The following LRCH3 variants were observed in gnomAD, a reference collection of about 807,000 sequenced individuals.
The protein encoded by LRCH3 is DISP complex protein LRCH3.
A neutral mutation model predicts 104.5 loss-of-function variants in LRCH3; 68 were observed. The ratio of observed to expected loss-of-function variants is 0.65; its 90% CI spans 0.54 to 0.80. The LOEUF (loss-of-function observed/expected upper bound fraction) is 0.80, where lower values mean the gene tolerates loss of function less well. Ranked by LOEUF, LRCH3 falls within the 30% of genes least tolerant of loss-of-function variation. The pLI is 0.00. For synonymous variants in LRCH3, 344 were observed against 361.3 expected, an observed-to-expected ratio of 0.95 and a Z score of 0.54; for missense variants, 951 against 953.9, an observed-to-expected ratio of 1.00 and a Z score of 0.04.
At chr3:197,830,577 ACATGAGGTCT>A (rs1735799354) in intron 6 of LRCH3, 183 bp from the exon 7 acceptor site, 1 of 526,210 alleles carries the variant, frequency 1.9e-6, no homozygotes, top group Non-Finnish European at 3.4e-6. Context: ...AATAATGAGT[ACATGAGGTCT>A]CATGCTATTC....
At chr3:197,879,580 A>G (rs1713394993) in intron 20 of LRCH3, among the ~76,000 whole-genome samples, 1 of 152,000 alleles carries the variant, frequency 6.6e-6, no homozygotes, top group Non-Finnish European at 1.5e-5. Context: ...CGGGAGGCGG[A>G]GCTTGCAGTG....
At chr3:197,863,426 A>G (rs1741111915) in intron 15 of LRCH3, among the ~76,000 whole-genome samples, 1 of 151,814 alleles carries the variant, frequency 6.6e-6, no homozygotes, top group Non-Finnish European at 1.5e-5. Context: ...ATGCCCACCT[A>G]ATTTTTGTAT....
At chr3:197,826,041 T>C (rs1735167815) in intron 4 of LRCH3, among the ~76,000 whole-genome samples, 1 of 152,184 alleles carries the variant, frequency 6.6e-6, no homozygotes, top group South Asian at 2.1e-4. Context: ...AGTTCCTTTT[T>C]TTGGTTAGTT....
intron 20 of LRCH3, chr3:197,882,400 ATAAG>A (rs1713849717): frequency 1.0e-6 from 1 of 977,618 alleles, no homozygotes; most frequent in South Asian, 4.7e-5. Flanking sequence ...TTTTATCAAA[ATAAG>A]TATTAAATAA....
chr3:197,830,548 G>A, intron 6 of LRCH3: 1 of 439,002 alleles, frequency 2.3e-6, no homozygotes. Context: ...GCAGAGGTGT[G>A]ATTGTTTTGA....
At chr3:197,871,584 A>G in intron 19 of LRCH3, 122 bp downstream of exon 19, 1 of 1,325,770 alleles carries the variant, frequency 7.5e-7, no homozygotes, top group Non-Finnish European at 1.0e-6. Context: ...TCCAGTCTCT[A>G]CCTTCCTGGT....
intron 1 of LRCH3, among the ~76,000 whole-genome samples, chr3:197,804,534 A>G (rs890975846): frequency 4.6e-5 from 7 of 152,188 alleles, no homozygotes; most frequent in African/African-American, 7.2e-5. Context: ...CCAGAGCTCA[A>G]TTATCTTGTC....
chr3:197,821,594 A>G (rs1174356862), intron 4 of LRCH3, among the ~76,000 whole-genome samples: 2 of 152,196 alleles, frequency 1.3e-5, no homozygotes, highest in Non-Finnish European at 2.9e-5. Context: ...CATTCCAGAA[A>G]AACAAGGAAT....
At chr3:197,871,669 T>A in intron 19 of LRCH3, 1 of 568,544 alleles carries the variant, frequency 1.8e-6, no homozygotes. Context: ...GAAAGGCATG[T>A]ACAGTGTGTG....
chr3:197,875,622 C>G (rs1326701838), intron 19 of LRCH3, 76 bp from the exon 20 acceptor site: 5 of 1,153,704 alleles, frequency 4.3e-6, no homozygotes, highest in African/African-American at 3.1e-5. Flanking sequence ...CCACTGCACT[C>G]CAGCCTGGGT....
At position 197,835,835 on chromosome 3, in the gene LRCH3, T is replaced by C. The variant is rs372201105; in HGVS notation, c.1251+13T>C. ...AATCTCTCATGAGGTAGTACACAGA[T>C]TGAAGCCTAAATATGTTGCTATCCC... On this transcript the variant is annotated intron_variant, in intron 9 of 20. Coordinates refer to ENST00000425562, the MANE Select transcript of LRCH3 (RefSeq NM_001365715.1). The C allele has an allele frequency of 3.1e-6, 5 of 1,612,552 alleles. No individual in the cohort carries two copies. The African/African-American group carries it at 6.7e-5, about 22-fold the overall frequency.
intron 17 of LRCH3, 151 bp from the exon 18 acceptor site, chr3:197,870,009 G>A (rs1248357309): frequency 9.6e-6 from 7 of 726,658 alleles, no homozygotes; most frequent in Non-Finnish European, 4.6e-6. Flanking sequence ...GCCATGCACT[G>A]TACCTGCAGG....
intron 17 of LRCH3, among the ~76,000 whole-genome samples, chr3:197,868,077 CAG>C (rs1447770953): frequency 2.0e-5 from 3 of 152,102 alleles, no homozygotes; most frequent in African/African-American, 7.2e-5. Context: ...GATGCATTCA[CAG>C]TAAGATTTAA....
rs1016889723 is a variant in LRCH3 at position 197,880,833 on chromosome 3, C to A, written c.2209-2708C>A. ...TCCCTGCTGGCCCTCAAAGAGCTAA[C>A]CCATAAAGGAGGTAAATCCTTTCTT... On this transcript the variant is annotated intron_variant, in intron 20 of 20. Transcript: ENST00000425562. 2.6e-5 allele frequency: 38 copies of A among 1,484,138 alleles called. No homozygotes were observed. The African/African-American group carries it at 5.1e-4, about 20-fold the overall frequency. The allele number at this position is 1,484,138 out of a possible 1,614,324, so 91.9% of individuals were successfully genotyped here.
chr3:197,876,913 GGC>G (rs1365073431), intron 20 of LRCH3, among the ~76,000 whole-genome samples: 1 of 93,144 alleles, frequency 1.1e-5, no homozygotes. Flanking sequence ...CCGCACCCAT[GGC>G]AGTGATTCTC....
intron 3 of LRCH3, among the ~76,000 whole-genome samples, chr3:197,819,725 GAAAA>G (rs900159323): frequency 6.9e-6 from 1 of 144,912 alleles, no homozygotes; most frequent in Non-Finnish European, 1.5e-5. Context: ...TCAAAAAAAA[GAAAA>G]AAAAAAGTCT....
intron 12 of LRCH3, chr3:197,851,034 A>G (rs563259351): frequency 4.0e-6 from 3 of 745,764 alleles, no homozygotes; most frequent in East Asian, 5.1e-5. Flanking sequence ...CTCAGAGAGA[A>G]TAACAGTTTA....
chr3:197,795,595 G>A (rs1378368935), intron 1 of LRCH3, among the ~76,000 whole-genome samples: 12 of 151,306 alleles, frequency 7.9e-5, no homozygotes, highest in Admixed American at 7.3e-4. Flanking sequence ...TGGGTCAGCC[G>A]CCATGCCTAA....
In LRCH3 at chr3:197,866,095, T is replaced by A. The variant is rs375966581; in HGVS notation, c.1766-17T>A. 5.0e-5 allele frequency: 79 copies of A among 1,567,190 alleles called. No homozygotes were observed. In the African/African-American group the frequency reaches 9.2e-4, roughly 18 times the overall value. On this transcript the variant is annotated splice_polypyrimidine_tract_variant and intron_variant, in intron 16 of 20. Coordinates refer to ENST00000425562, the MANE Select transcript of LRCH3 (RefSeq NM_001365715.1). ...TTCATCTCCTTTAATCTCATTTTATTTTTCATGCTAATTTAGTTCATCATT... is the reference window on the plus strand; with the variant it reads ...TTCATCTCCTTTAATCTCATTTTATATTTCATGCTAATTTAGTTCATCATT...
Sources: allele counts gnomAD v4.1 joint callset (sites outside exome capture counted in the v4.1 genomes callset), GRCh38; gene constraint gnomAD v4.1.1; transcripts MANE v1.5; gene names NCBI Gene and HGNC (gene_info 2026-07-23, HGNC 2026-07-21).